The following NUMA1 variants were observed in gnomAD, a reference collection of about 807,000 sequenced individuals.
NUMA1 encodes SP-H antigen.
In NUMA1, 62 loss-of-function variants were observed where a neutral mutation model predicts 237.1. That is an observed-to-expected ratio of 0.26 (90% CI 0.21 to 0.32). The LOEUF (loss-of-function observed/expected upper bound fraction) is 0.32, where lower values mean the gene tolerates loss of function less well. Ranked by LOEUF, NUMA1 falls within the 10% of genes least tolerant of loss-of-function variation. The pLI is 1.00. For missense variants in NUMA1, 2,533 were observed against 2,666.5 expected (o/e 0.95, Z 1.10); for synonymous variants, 1,028 against 1,066.1 (o/e 0.96, Z 0.70).
rs1160644550 is a variant in NUMA1 at position 72,022,329 on chromosome 11, A to G, written c.372+10T>C. On this transcript the variant is annotated intron_variant, in intron 7 of 26. Transcript: ENST00000393695. Reference sequence around the variant, plus strand: ...GGCCTGCTAGGTGGCATGGAGGCACAAGGGCTTACCTGAATTTTATATTCA... The same window carrying G: ...GGCCTGCTAGGTGGCATGGAGGCACGAGGGCTTACCTGAATTTTATATTCA... 6.2e-7 allele frequency: 1 copy of G among 1,603,414 alleles called. No homozygotes were observed. Among genetic ancestry groups the G allele is most frequent in the Non-Finnish European group, 8.5e-7 (1 of 1,171,314 alleles).
rs1383491518 is a variant in NUMA1 at position 72,015,517 on chromosome 11, G to A, written c.1986C>T (p.Ala662=). Residue 662 remains alanine (A), a synonymous_variant, in exon 15 of 27, where the codon GCC becomes GCT. Coordinates refer to ENST00000393695, the MANE Select transcript of NUMA1 (RefSeq NM_006185.4). The surrounding 1 kb of genome is among the most constrained non-coding windows in gnomAD (Gnocchi z 4.0). ...VEELQACVET[A]RQEQHEAQAQ... ...CCTGGGCCTCATGCTGTTCCTGGCG[G>A]GCTGTCTCAACACAGGCCTGGAGTT... is the stretch of plus-strand genomic sequence containing the variant. The A allele has an allele frequency of 1.2e-6, 2 of 1,613,232 alleles. No homozygotes were observed. Among genetic ancestry groups the A allele is most frequent in the Non-Finnish European group, 1.7e-6 (2 of 1,180,030 alleles).
At chr11:72,044,394 G>A (rs1411251971) in intron 2 of NUMA1, among the ~76,000 whole-genome samples, 1 of 152,062 alleles carries the variant, frequency 6.6e-6, no homozygotes, top group East Asian at 1.9e-4. Context: ...TGTCACCAAG[G>A]TGTCCAAGCA....
At position 72,013,884 on chromosome 11, in the gene NUMA1, C is replaced by T. The variant is rs542586470; in HGVS notation, c.3619G>A (p.Asp1207Asn). ...TKVQDHSKAEDEWKAQVARGR... is the reference protein window; with the variant it reads ...TKVQDHSKAENEWKAQVARGR... ...CGGGCCACCTGGGCCTTCCACTCAT[C>T]TTCAGCCTTGCTGTGGTCTTGTACC... The change falls in exon 15 of 27, where the codon GAT becomes AAT. Residue 1207 changes from aspartate (D) to asparagine (N), a missense_variant. Physicochemically the swap from Asp to Asn is conservative, Grantham distance 23. Coordinates refer to ENST00000393695, the MANE Select transcript of NUMA1 (RefSeq NM_006185.4). This position sits in a 1 kb window ranked among gnomAD's most constrained non-coding sequence, Gnocchi z 6.8. The T allele has an allele frequency of 1.9e-6, 3 of 1,614,000 alleles. No homozygotes were observed. Among genetic ancestry groups the T allele is most frequent in the African/African-American group, 1.3e-5 (1 of 75,072 alleles).
In NUMA1 at chr11:72,040,952, G is replaced by GT. The variant is rs1343745170; in HGVS notation, c.-32-4978_-32-4977insA. 3.9e-5 allele frequency: 6 copies of GT among 152,072 alleles called. 1 individual carries two copies. Among genetic ancestry groups the GT allele is most frequent in the Admixed American group, 2.6e-4 (4 of 15,268 alleles). The allele number at this position is 152,072 out of a possible 1,614,324, so 9.4% of individuals were successfully genotyped here. ...GGAGAAAAAGTCTCGGTGCGGGGGG[G>GT]CCTTACCAGACTCCTAAAGCCAAAC... On this transcript the variant is annotated intron_variant, in intron 2 of 26. Transcript: ENST00000393695.
chr11:72,059,136 A>C (rs1473325440), intron 2 of NUMA1, among the ~76,000 whole-genome samples: 2 of 152,232 alleles, frequency 1.3e-5, no homozygotes, highest in Non-Finnish European at 2.9e-5. Context: ...GTACACATAC[A>C]GGTATATATT....
Position 72,015,741 on chromosome 11 carries a change from C to T in NUMA1, c.1762G>A (p.Ala588Thr). Residue 588 changes from alanine (A) to threonine (T), a missense_variant, in exon 15 of 27, where the codon GCT (alanine) becomes ACT (threonine). This residue lies in a region of NUMA1 where 1,414 missense variants were observed against 1,508.1 expected (regional missense o/e 0.94). Transcript: ENST00000393695. The surrounding 1 kb of genome is among the most constrained non-coding windows in gnomAD (Gnocchi z 4.0). Reference protein sequence around the residue: ...RQDHAQQLATAAEEREASLRE... With the variant: ...RQDHAQQLATTAEEREASLRE... Reference sequence around the variant, plus strand: ...AAGGAGGCCTCTCGCTCCTCTGCAGCAGTGGCCAGTTGCTGGGCATGGTCC... The same window carrying T: ...AAGGAGGCCTCTCGCTCCTCTGCAGTAGTGGCCAGTTGCTGGGCATGGTCC... The T allele has an allele frequency of 6.2e-7, 1 of 1,614,214 alleles. No homozygotes were observed. Among genetic ancestry groups the T allele is most frequent in the East Asian group, 2.2e-5 (1 of 44,882 alleles).
intron 3 of NUMA1, 144 bp downstream of exon 3, chr11:72,035,758 G>C: frequency 2.7e-6 from 2 of 745,656 alleles, no homozygotes; most frequent in Admixed American, 4.6e-5. Context: ...AGATGAAAAT[G>C]CATTTCCATG....
At chr11:72,005,126 C>T in intron 23 of NUMA1, 107 bp downstream of exon 23, 2 of 1,294,906 alleles carry the variant, frequency 1.5e-6, no homozygotes, top group East Asian at 5.1e-5. Context: ...CCTCCCCCTC[C>T]TCGGCCAGTC....
At chr11:72,036,015 A>C in intron 2 of NUMA1, 40 bp from the exon 3 acceptor site, 1 of 1,457,518 alleles carries the variant, frequency 6.9e-7, no homozygotes, top group Non-Finnish European at 9.6e-7. Context: ...TAATCATATC[A>C]GATATCCATG....
chr11:72,025,191 G>A (rs1939406619), intron 4 of NUMA1, among the ~76,000 whole-genome samples: 1 of 152,174 alleles, frequency 6.6e-6, no homozygotes, highest in African/African-American at 2.4e-5. Flanking sequence ...CGCCCAGCTA[G>A]GACTAGTATT....
chr11:72,053,303 C>A (rs58971776), intron 2 of NUMA1, among the ~76,000 whole-genome samples: 1 of 152,112 alleles, frequency 6.6e-6, no homozygotes, highest in East Asian at 1.9e-4. Context: ...CCTAATTACG[C>A]CTTTTTGTAT....
At position 72,007,170 on chromosome 11, in the gene NUMA1, C is replaced by T. The variant is rs915397727; in HGVS notation, c.5463+19G>A. 6.2e-7 allele frequency: 1 copy of T among 1,603,984 alleles called. No individual in the cohort carries two copies. Among genetic ancestry groups the T allele is most frequent in the Non-Finnish European group, 8.5e-7 (1 of 1,179,702 alleles). On this transcript the variant is annotated intron_variant, in intron 21 of 26. Coordinates refer to ENST00000393695, the MANE Select transcript of NUMA1 (RefSeq NM_006185.4). The stretch of plus-strand genomic sequence containing the variant: ...AAGTGGGAATTGCTGCCCTGCAGCC[C>T]CTGTCCCAGCAGCCTGACCTTGGTC...
At chr11:72,017,913 G>A in intron 12 of NUMA1, 86 bp from the exon 13 acceptor site, 1 of 1,471,908 alleles carries the variant, frequency 6.8e-7, no homozygotes, top group Non-Finnish European at 9.3e-7. Context: ...CCAGGGGCTG[G>A]ATGCCTCCAA....
At chr11:72,033,539 A>G (rs1234556438) in intron 3 of NUMA1, among the ~76,000 whole-genome samples, 2 of 151,794 alleles carry the variant, frequency 1.3e-5, no homozygotes, top group African/African-American at 2.4e-5. Context: ...CACCCAGCTA[A>G]TTTTTGTATT....
At chr11:72,004,919 G>A (rs1201062906) in intron 23 of NUMA1, 103 bp from the exon 24 acceptor site, 4 of 1,181,062 alleles carry the variant, frequency 3.4e-6, no homozygotes, top group Middle Eastern at 2.8e-4. Flanking sequence ...CTTATGGTCG[G>A]GACCCTTCCT....
chr11:72,035,638 T>C (rs1397787574), intron 3 of NUMA1, among the ~76,000 whole-genome samples: 2 of 152,122 alleles, frequency 1.3e-5, no homozygotes, highest in African/African-American at 4.8e-5. Context: ...CTCGAACTCC[T>C]GACCTCAGGT....
chr11:72,027,390 G>A (rs1229360169), intron 4 of NUMA1, among the ~76,000 whole-genome samples: 1 of 151,680 alleles, frequency 6.6e-6, no homozygotes. Flanking sequence ...ACTTACAGGT[G>A]GTACACAACC....
At chr11:72,050,026 C>T (rs564670701) in intron 2 of NUMA1, among the ~76,000 whole-genome samples, 1 of 152,164 alleles carries the variant, frequency 6.6e-6, no homozygotes. Flanking sequence ...TAGGACCCAT[C>T]CCCAAAGCGA....
intron 4 of NUMA1, chr11:72,024,626 T>C (rs1002246291): frequency 2.2e-6 from 1 of 457,708 alleles, no homozygotes; most frequent in East Asian, 4.1e-5. Flanking sequence ...AAAAGCTCTG[T>C]GGAAAGGGGC....
Sources: allele counts gnomAD v4.1 joint callset (sites outside exome capture counted in the v4.1 genomes callset), GRCh38; gene constraint gnomAD v4.1.1; regional missense constraint gnomAD v4.1.1; non-coding constraint Gnocchi (gnomAD v3.1); transcripts MANE v1.5; gene names NCBI Gene and HGNC (gene_info 2026-07-23, HGNC 2026-07-21).